Variants in CPED1 observed in about 807,000 individuals in gnomAD.
The protein encoded by CPED1 is cadherin-like and PC-esterase domain-containing protein 1.
A neutral mutation model predicts 128.2 loss-of-function variants in CPED1; 114 were observed. The ratio of observed to expected loss-of-function variants is 0.89; its 90% CI spans 0.76 to 1.04. The LOEUF (loss-of-function observed/expected upper bound fraction) is 1.04. CPED1 is among the 50% of genes least tolerant of loss of function. The pLI is 0.00. For synonymous variants in CPED1, 462 were observed against 426.7 expected (o/e 1.08, Z -1.02); for missense variants, 1,211 against 1,207.1 (o/e 1.00, Z -0.05).
At chr7:121,225,589 A>C (rs552995312) in intron 16 of CPED1, among the ~76,000 whole-genome samples, 2 of 152,150 alleles carry the variant, frequency 1.3e-5, no homozygotes, top group African/African-American at 2.4e-5. Context: ...ATTTGGTTCC[A>C]TTCTCCCCAT....
chr7:121,185,702 A>C (rs1010099827), intron 16 of CPED1, among the ~76,000 whole-genome samples: 1 of 152,082 alleles, frequency 6.6e-6, no homozygotes, highest in Non-Finnish European at 1.5e-5. Context: ...AAGCAACTAC[A>C]CTCCGTGAAC....
intron 5 of CPED1, among the ~76,000 whole-genome samples, chr7:121,079,550 T>C (rs1224788851): frequency 6.6e-6 from 1 of 152,244 alleles, no homozygotes; most frequent in Non-Finnish European, 1.5e-5. Flanking sequence ...TCGCAAAAGA[T>C]AGACCAGGCT....
Position 121,266,418 on chromosome 7 carries a change from T to G in CPED1, c.2502T>G (p.Phe834Leu). The change falls in exon 19 of 23, where the codon TTT (phenylalanine) becomes TTG (leucine). Residue 834 changes from phenylalanine to leucine, a missense_variant. Physicochemically the swap from Phe to Leu is conservative, Grantham distance 22 (BLOSUM62 0). Transcript: ENST00000310396. ...FWISPSLRPT[F>L]ENALEHLLQR... ...TAAGCCCTTCATTGAGACCAACATT[T>G]GAAAATGCACTTGAACACCTCTTGC... 1.2e-6 allele frequency: 2 copies of G among 1,613,002 alleles called. No homozygotes were observed. The highest frequency in any genetic ancestry group is 1.7e-6 in the Non-Finnish European group (2 of 1,179,312).
chr7:121,124,243 A>G (rs1401152019), intron 7 of CPED1, 88 bp from the exon 8 acceptor site: 6 of 1,278,748 alleles, frequency 4.7e-6, no homozygotes, highest in Non-Finnish European at 5.3e-6. Flanking sequence ...GAGATAACCT[A>G]GAACAATCCT....
At chr7:121,103,120 G>A (rs1794894160) in intron 7 of CPED1, among the ~76,000 whole-genome samples, 1 of 152,070 alleles carries the variant, frequency 6.6e-6, no homozygotes, top group Non-Finnish European at 1.5e-5. Context: ...AAATCTCCTT[G>A]TGATCTGGTT....
chr7:121,100,302 G>A (rs1247301276), intron 7 of CPED1, among the ~76,000 whole-genome samples: 1 of 151,968 alleles, frequency 6.6e-6, no homozygotes, highest in Non-Finnish European at 1.5e-5. Context: ...GGATCACAAA[G>A]GCTACATTCT....
chr7:121,090,362 C>T (rs1794542959), intron 5 of CPED1, among the ~76,000 whole-genome samples: 1 of 152,178 alleles, frequency 6.6e-6, no homozygotes, highest in African/African-American at 2.4e-5. Flanking sequence ...TACTGTTTTT[C>T]TGCCAAGAGT....
chr7:121,061,233 G>C (rs1793661883), intron 4 of CPED1: 1 of 948,506 alleles, frequency 1.1e-6, no homozygotes, highest in South Asian at 4.9e-5. Context: ...CTCTTCTAAT[G>C]CATATTCCCT....
At chr7:121,048,340 A>G (rs1228663664) in intron 4 of CPED1, among the ~76,000 whole-genome samples, 1 of 152,138 alleles carries the variant, frequency 6.6e-6, no homozygotes, top group African/African-American at 2.4e-5. Flanking sequence ...CAGAAGCTTC[A>G]GCGCTTCTGT....
intron 2 of CPED1, among the ~76,000 whole-genome samples, chr7:121,002,770 C>T (rs529199068): frequency 8.9e-4 from 135 of 152,246 alleles, no homozygotes; most frequent in African/African-American, 3.2e-3. Context: ...TTCTGTCAGA[C>T]ATATAAACTT....
intron 16 of CPED1, among the ~76,000 whole-genome samples, chr7:121,176,670 C>A (rs1306713395): frequency 6.6e-6 from 1 of 151,924 alleles, no homozygotes; most frequent in Non-Finnish European, 1.5e-5. Flanking sequence ...CTGAAGAGGA[C>A]CATTTTTAAA....
At chr7:121,240,811 C>CT (rs71530061) in intron 17 of CPED1, among the ~76,000 whole-genome samples, 2 of 141,596 alleles carry the variant, frequency 1.4e-5, no homozygotes, top group Non-Finnish European at 3.0e-5. Context: ...AAAGGACACA[C>CT]TCTAAGGCCT....
chr7:121,293,243 A>T (rs1332980197), intron 22 of CPED1, among the ~76,000 whole-genome samples: 1 of 152,178 alleles, frequency 6.6e-6, no homozygotes, highest in Non-Finnish European at 1.5e-5. Context: ...CTAGAGAAGC[A>T]GACTGGCACT....
intron 7 of CPED1, among the ~76,000 whole-genome samples, chr7:121,114,037 A>G (rs528808911): frequency 5.3e-5 from 8 of 152,112 alleles, no homozygotes; most frequent in African/African-American, 1.9e-4. Flanking sequence ...TCACCATGTT[A>G]GCCAGAATGG....
intron 3 of CPED1, among the ~76,000 whole-genome samples, chr7:121,023,126 G>C (rs897550873): frequency 6.6e-6 from 1 of 152,024 alleles, no homozygotes. Flanking sequence ...TTATCATTTT[G>C]TCAGAATTAT....
At chr7:121,274,543 C>T (rs1792296716) in intron 22 of CPED1, among the ~76,000 whole-genome samples, 1 of 152,050 alleles carries the variant, frequency 6.6e-6, no homozygotes, top group South Asian at 2.1e-4. Flanking sequence ...AATGTTTAAG[C>T]TAAAATAAGC....
chr7:121,088,598 G>T (rs1489430116), intron 5 of CPED1, among the ~76,000 whole-genome samples: 1 of 151,220 alleles, frequency 6.6e-6, no homozygotes, highest in Non-Finnish European at 1.5e-5. Flanking sequence ...GGCAGAGGTT[G>T]CAGTGAGCCG....
chr7:120,996,384 A>G (rs936796082), intron 2 of CPED1, among the ~76,000 whole-genome samples: 6 of 152,238 alleles, frequency 3.9e-5, no homozygotes, highest in Admixed American at 2.0e-4. Context: ...GTGAGTATAC[A>G]GTTAAGTAGT....
intron 5 of CPED1, among the ~76,000 whole-genome samples, chr7:121,074,323 G>A (rs1231775907): frequency 1.3e-5 from 2 of 152,068 alleles, no homozygotes; most frequent in African/African-American, 4.8e-5. Context: ...AGGCCTTGTT[G>A]TATAGCCAAA....
Sources: allele counts gnomAD v4.1 joint callset (sites outside exome capture counted in the v4.1 genomes callset), GRCh38; gene constraint gnomAD v4.1.1; transcripts MANE v1.5; gene names NCBI Gene and HGNC (gene_info 2026-07-23, HGNC 2026-07-21).